Variants in APBB2 observed in about 807,000 individuals in gnomAD.
APBB2 encodes the protein amyloid beta precursor protein binding family B member 2.
A neutral mutation model predicts 82.5 loss-of-function variants in APBB2; 38 were observed. That is an observed-to-expected ratio of 0.46 (90% CI 0.36 to 0.60). The LOEUF is 0.60. Among genes scored for constraint, APBB2 ranks in the 20% least tolerant of loss-of-function variants. The pLI, the probability that APBB2 is intolerant of heterozygous loss-of-function variation, is 0.00. For missense variants in APBB2, 772 were observed against 972.3 expected (o/e 0.79, Z 2.74); for synonymous variants, 341 against 368.2 (o/e 0.93, Z 0.85).
intron 1 of APBB2, among the ~76,000 whole-genome samples, chr4:41,146,373 T>TACAG (rs958636699): frequency 1.4e-5 from 2 of 144,388 alleles, no homozygotes; most frequent in African/African-American, 5.2e-5. Flanking sequence ...CACATGCCTG[T>TACAG]GGTCCAGCTA....
At position 41,014,289 on chromosome 4, in the gene APBB2, G is replaced by A. The variant is rs1354769830; in HGVS notation, c.129C>T (p.Ser43=). Reference sequence around the variant, plus strand: ...CAGCGTTCAACAGTTCATTGTGGGAGGATCGGAGGTTAAGGGTGTTTGGTG... The same window carrying A: ...CAGCGTTCAACAGTTCATTGTGGGAAGATCGGAGGTTAAGGGTGTTTGGTG... ...ATPPNTLNLR[S]SHNELLNAEI... is the part of the protein sequence containing the mutation. The change falls in exon 6 of 18, where the codon TCC becomes TCT. Residue 43 remains serine, a synonymous_variant. Transcript: ENST00000508593. 6.2e-7 allele frequency: 1 copy of A among 1,614,040 alleles called. No homozygotes were observed. The highest frequency in any genetic ancestry group is 2.2e-5 in the East Asian group (1 of 44,892).
At chr4:40,996,588 T>C (rs1803702139) in intron 6 of APBB2, among the ~76,000 whole-genome samples, 1 of 152,182 alleles carries the variant, frequency 6.6e-6, no homozygotes, top group African/African-American at 2.4e-5. Context: ...ATCAAACACA[T>C]CATCTTTCTC....
At chr4:40,881,137 C>T (rs958106126) in intron 12 of APBB2, 6 of 985,266 alleles carry the variant, frequency 6.1e-6, no homozygotes, top group Admixed American at 6.2e-5. Context: ...GTCAGCAAAA[C>T]GGTCAAGTAA....
At chr4:41,105,611 G>A (rs1225112204) in intron 2 of APBB2, among the ~76,000 whole-genome samples, 4 of 152,156 alleles carry the variant, frequency 2.6e-5, no homozygotes, top group Non-Finnish European at 5.9e-5. Context: ...TTGGCCAGGC[G>A]CAGTGGCTCA....
chr4:40,860,001 C>T (rs1762384220), intron 12 of APBB2, among the ~76,000 whole-genome samples: 1 of 152,224 alleles, frequency 6.6e-6, no homozygotes, highest in Non-Finnish European at 1.5e-5. Context: ...CTGACAGCAT[C>T]CCAGGCTTTT....
rs2154419965 is a variant in APBB2, at chr4:41,001,326, C to T, written c.835+12257G>A. On this transcript the variant is annotated intron_variant, in intron 6 of 17. Coordinates refer to ENST00000508593, the MANE Select transcript of APBB2 (RefSeq NM_004307.2). ...CCTTGTATACCTTAACCATCACATA[C>T]ACCATCATGTATATGAGAAAACATG... is the stretch of plus-strand genomic sequence containing the variant. 2.0e-5 allele frequency among the ~76,000 whole-genome samples: 3 copies of T among 152,330 alleles called. 1 individual carries two copies. In the South Asian group the frequency reaches 6.2e-4, roughly 32 times the overall value.
intron 3 of APBB2, among the ~76,000 whole-genome samples, chr4:41,082,132 G>C (rs2153934293): frequency 6.6e-6 from 1 of 152,280 alleles, no homozygotes; most frequent in South Asian, 2.1e-4. Context: ...TTATGGATAG[G>C]TCAGGAGGGG....
At chr4:41,188,461 T>C (rs943949632) in intron 1 of APBB2, among the ~76,000 whole-genome samples, 7 of 152,138 alleles carry the variant, frequency 4.6e-5, no homozygotes, top group African/African-American at 1.7e-4. Flanking sequence ...GGTACAGCCC[T>C]CATGGATGGG....
chr4:41,203,701 A>T (rs1236540031), intron 1 of APBB2, among the ~76,000 whole-genome samples: 1 of 152,162 alleles, frequency 6.6e-6, no homozygotes, highest in Non-Finnish European at 1.5e-5. Context: ...AGGAGCTGTA[A>T]GCCCCAATTC....
rs978057437 is a variant in APBB2 at position 40,857,112 on chromosome 4, T to C, written c.1530-26535A>G. On this transcript the variant is annotated intron_variant, in intron 12 of 17. Transcript: ENST00000508593. Reference sequence around the variant, plus strand: ...CCAGGGTGCCGGCACCAGCCAGCGGTGCCGTCGCTCAAGCAGCCGCGCGCA... The same window carrying C: ...CCAGGGTGCCGGCACCAGCCAGCGGCGCCGTCGCTCAAGCAGCCGCGCGCA... 27 of 985,334 alleles carry C rather than the reference T, an allele frequency of 2.7e-5. No homozygotes were observed. The Admixed American group carries it at 3.1e-4, about 11-fold the overall frequency. 61.0% of individuals were successfully genotyped at this position (985,334 alleles called of 1,614,324 possible).
At chr4:41,067,442 C>T (rs1732321985) in intron 3 of APBB2, among the ~76,000 whole-genome samples, 1 of 150,842 alleles carries the variant, frequency 6.6e-6, no homozygotes, top group East Asian at 2.0e-4. Context: ...GAAATTGAAG[C>T]GTGGAAGATT....
At chr4:40,968,510 G>A (rs1232547812) in intron 6 of APBB2, among the ~76,000 whole-genome samples, 1 of 151,912 alleles carries the variant, frequency 6.6e-6, no homozygotes, top group South Asian at 2.1e-4. Context: ...TCCTCTTCCT[G>A]TGCAAAGTAA....
At chr4:40,861,400 A>G (rs2060503) in intron 12 of APBB2, among the ~76,000 whole-genome samples, 66,720 of 151,618 alleles carry the variant, frequency 0.44, 15,289 homozygotes, top group African/African-American at 0.58. Flanking sequence ...GGTGGCTTGC[A>G]CCTGTTGTCC....
chr4:40,988,008 C>T (rs977351849), intron 6 of APBB2, among the ~76,000 whole-genome samples: 1 of 152,156 alleles, frequency 6.6e-6, no homozygotes, highest in Admixed American at 6.5e-5. Flanking sequence ...CCTCGCTGTC[C>T]TTGTCTGAAA....
Position 40,811,184 on chromosome 4 carries a change from A to G in APBB2, c.*4908T>C, listed in dbSNP as rs918045324. ...CTGAATTAAACCATTCATTAATTAC[A>G]CTGCAGTTTTCTTCTTTGAGAATCT... is the stretch of plus-strand genomic sequence containing the variant. On this transcript the variant is annotated 3_prime_UTR_variant, in exon 18 of 18. Transcript: ENST00000508593. 3.9e-5 allele frequency: 6 copies of G among 152,224 alleles called. No homozygotes were observed. Among genetic ancestry groups the G allele is most frequent in the African/African-American group, 1.4e-4 (6 of 41,458 alleles). The allele number at this position is 152,224 out of a possible 1,614,324, so 9.4% of individuals were successfully genotyped here.
At chr4:40,964,410 G>A (rs972219872) in intron 6 of APBB2, among the ~76,000 whole-genome samples, 14 of 148,632 alleles carry the variant, frequency 9.4e-5, no homozygotes, top group African/African-American at 3.4e-4. Flanking sequence ...GCAAAACCAC[G>A]TAAAATTATA....
chr4:40,833,399 C>G (rs1009703802), intron 12 of APBB2, among the ~76,000 whole-genome samples: 3 of 152,216 alleles, frequency 2.0e-5, no homozygotes, highest in Non-Finnish European at 4.4e-5. Context: ...TGTCTTCCCT[C>G]ACGTGGTGGC....
At chr4:41,013,539 A>T (rs747967795) in intron 6 of APBB2, 44 bp downstream of exon 6, 2 of 1,528,598 alleles carry the variant, frequency 1.3e-6, no homozygotes, top group African/African-American at 1.6e-5. Context: ...GAAAAGATAA[A>T]AAAAAAAAAG....
At chr4:40,926,366 T>C (rs1782606643) in intron 10 of APBB2, among the ~76,000 whole-genome samples, 1 of 152,206 alleles carries the variant, frequency 6.6e-6, no homozygotes, top group African/African-American at 2.4e-5. Flanking sequence ...AGAAGGAGTC[T>C]GTCCTCAAGC....
Sources: gnomAD v4.1 joint callset for allele counts (sites outside exome capture counted in the v4.1 genomes callset) on GRCh38, gnomAD v4.1.1 for gene constraint, MANE v1.5 for transcripts, NCBI Gene and HGNC (gene_info 2026-07-23, HGNC 2026-07-21) for gene names.